Variants in OPRL1 observed in about 807,000 individuals in gnomAD.
OPRL1 encodes opioid related nociceptin receptor 1, also known as nociceptin receptor.
A neutral mutation model predicts 15.5 loss-of-function variants in OPRL1; 5 were observed. The ratio of observed to expected loss-of-function variants is 0.32; its 90% CI spans 0.17 to 0.68. The LOEUF (loss-of-function observed/expected upper bound fraction) is 0.68, where lower values mean the gene tolerates loss of function less well. Ranked by LOEUF, OPRL1 falls within the 30% of genes least tolerant of loss-of-function variation. The pLI is 0.72. For synonymous variants in OPRL1, 223 were observed against 230.2 expected (o/e 0.97, Z 0.28); for missense variants, 406 against 515.3 (o/e 0.79, Z 2.05).
rs933961472 is a variant in OPRL1, at chr20:64,084,827, C to T, written c.-185+4475C>T. 7.9e-5 allele frequency among the ~76,000 whole-genome samples: 12 copies of T among 152,238 alleles called. 1 individual carries two copies. Among genetic ancestry groups the T allele is most frequent in the Non-Finnish European group, 1.3e-4 (9 of 68,036 alleles). On this transcript the variant is annotated intron_variant, in intron 1 of 4. Coordinates refer to ENST00000336866, the MANE Select transcript of OPRL1 (RefSeq NM_182647.4). ...GCTCGCTGTGCCAGAGGCAGAGCCA[C>T]GGCCAGCCCCAGCGGCGGCTAACGC...
chr20:64,098,384 T>A lies in OPRL1; in HGVS notation c.698T>A (p.Val233Asp). 6.2e-7 allele frequency: 1 copy of A among 1,613,822 alleles called. No homozygotes were observed. Among genetic ancestry groups the A allele is most frequent in the Non-Finnish European group, 8.5e-7 (1 of 1,180,014 alleles). ...SFIVPVLVIS[V>D]CYSLMIRRLR... ...ATCGTCCCCGTGCTCGTCATCTCTG[T>A]CTGCTACAGCCTCATGATCCGGCGG... Residue 233 changes from valine to aspartate, a missense_variant, in exon 5 of 5, where the codon GTC becomes GAC. By Grantham distance (152) the Val-to-Asp change is radical (BLOSUM62 -3). Coordinates refer to ENST00000336866, the MANE Select transcript of OPRL1 (RefSeq NM_182647.4).
intron 1 of OPRL1, chr20:64,084,953 T>A (rs2060028310): frequency 6.6e-6 from 1 of 152,230 alleles, no homozygotes; most frequent in South Asian, 2.1e-4. Flanking sequence ...ACCTCCGCCG[T>A]AGCCCAGACT....
At chr20:64,082,818 TGG>T (rs1175954785) in intron 1 of OPRL1, among the ~76,000 whole-genome samples, 2 of 25,258 alleles carry the variant, frequency 7.9e-5, no homozygotes, top group Non-Finnish European at 1.6e-4. Context: ...TGTGTGTGTG[TGG>T]GGGGGTGGGT....
chr20:64,080,849 A>G (rs2059959130), intron 1 of OPRL1, among the ~76,000 whole-genome samples: 1 of 152,182 alleles, frequency 6.6e-6, no homozygotes, highest in Non-Finnish European at 1.5e-5. Context: ...TGTTCATAAA[A>G]TGCCTTCCAG....
rs528918203 is a variant in OPRL1 at position 64,089,749 on chromosome 20, G to A, written c.-184-2217G>A. Among the ~76,000 whole-genome samples the A allele has an allele frequency of 1.3e-5, 2 of 152,294 alleles. No individual in the cohort carries two copies. Among genetic ancestry groups the A allele is most frequent in the South Asian group, 2.1e-4 (1 of 4,828 alleles). On this transcript the variant is annotated intron_variant, in intron 1 of 4. Transcript: ENST00000336866. This position sits in a 1 kb window ranked among gnomAD's most constrained non-coding sequence, Gnocchi z 5.5. ...GGCCTCTGACACTGGTTCCTGGTCC[G>A]GGGACATCAGGTTGGGCTCCTTTGT... is the stretch of plus-strand genomic sequence containing the variant.
At position 64,097,995 on chromosome 20, in the gene OPRL1, G is replaced by A. The variant is rs2145626882; in HGVS notation, c.427G>A (p.Ala143Thr). The A allele has an allele frequency of 6.2e-7, 1 of 1,613,660 alleles. No individual in the cohort carries two copies. The highest frequency in any genetic ancestry group is 8.5e-7 in the Non-Finnish European group (1 of 1,180,022). ...GTTCACCAGCACCTTCACCCTAACT[G>A]CCATGAGTGTGGATCGCTATGTAGC... ...NMFTSTFTLT[A>T]MSVDRYVAIC... Residue 143 changes from alanine to threonine, a missense_variant, in exon 4 of 5, where the codon GCC becomes ACC. Ala to Thr is a moderately conservative substitution (Grantham distance 58). Coordinates refer to ENST00000336866, the MANE Select transcript of OPRL1 (RefSeq NM_182647.4). The surrounding 1 kb of genome is among the most constrained non-coding windows in gnomAD (Gnocchi z 4.2).
At position 64,092,662 on chromosome 20, in the gene OPRL1, C is replaced by G. The variant is rs2060131926; in HGVS notation, c.-33-26C>G. ...GCTGGGCGTGTGTCTGGCACTGCAG[C>G]CACTTGTCTCTGCGCTCTGTCCCAG... On this transcript the variant is annotated intron_variant, in intron 2 of 4. Coordinates refer to ENST00000336866, the MANE Select transcript of OPRL1 (RefSeq NM_182647.4). The G allele has an allele frequency of 3.2e-6, 5 of 1,539,644 alleles. No homozygotes were observed. The South Asian group carries it at 5.9e-5, about 18-fold the overall frequency.
chr20:64,083,798 C>T lies in OPRL1; in HGVS notation c.-185+3446C>T. On this transcript the variant is annotated intron_variant, in intron 1 of 4. Coordinates refer to ENST00000336866, the MANE Select transcript of OPRL1 (RefSeq NM_182647.4). This position sits in a 1 kb window ranked among gnomAD's most constrained non-coding sequence, Gnocchi z 4.9. The stretch of plus-strand genomic sequence containing the variant: ...ACGCTCCCGGTGCGCCCCCTCTGCC[C>T]TCCGACCCCCTCGCCTCACCCGCAT... The T allele has an allele frequency of 1.5e-6, 2 of 1,342,700 alleles. No homozygotes were observed. The highest frequency in any genetic ancestry group is 1.9e-6 in the Non-Finnish European group (2 of 1,053,338). 83.2% of individuals were successfully genotyped at this position (1,342,700 alleles called of 1,614,324 possible).
Position 64,098,874 on chromosome 20 carries a change from C to G in OPRL1, c.*75C>G, listed in dbSNP as rs55884239. The stretch of plus-strand genomic sequence containing the variant: ...CGCCCAACACAGAGCTCACACAGGT[C>G]ACTGCTCTCTAGGCGGACACACCCT... On this transcript the variant is annotated 3_prime_UTR_variant, in exon 5 of 5. Coordinates refer to ENST00000336866, the MANE Select transcript of OPRL1 (RefSeq NM_182647.4). The G allele has an allele frequency of 6.1e-4, 910 of 1,497,880 alleles. 2 individuals are homozygous for G. The highest frequency in any genetic ancestry group is 1.7e-3 in the South Asian group (130 of 76,608). 92.8% of individuals were successfully genotyped at this position (1,497,880 alleles called of 1,614,324 possible).
chr20:64,086,072 C>T (rs1050735641), intron 1 of OPRL1, among the ~76,000 whole-genome samples: 2 of 152,212 alleles, frequency 1.3e-5, no homozygotes, highest in African/African-American at 4.8e-5. Context: ...GCAGCAGTGA[C>T]TGCTTAGGGA....
rs767753910 is a variant in OPRL1, at chr20:64,083,453, G to T, written c.-185+3101G>T. On this transcript the variant is annotated intron_variant, in intron 1 of 4. Coordinates refer to ENST00000336866, the MANE Select transcript of OPRL1 (RefSeq NM_182647.4). The surrounding 1 kb of genome is among the most constrained non-coding windows in gnomAD (Gnocchi z 4.9). ...GTCGCCGTCACCGCGGGAAGATGGT[G>T]CCATCCACGTTCTCCTCCAGGATGG... 1 of 1,609,922 alleles carries T rather than the reference G, an allele frequency of 6.2e-7. No homozygotes were observed. Among genetic ancestry groups the T allele is most frequent in the Non-Finnish European group, 8.5e-7 (1 of 1,178,804 alleles).
chr20:64,092,628 G>A, intron 2 of OPRL1, 60 bp from the exon 3 acceptor site: 1 of 1,369,252 alleles, frequency 7.3e-7, no homozygotes, highest in Non-Finnish European at 1.0e-6. Flanking sequence ...GCTGGGTTGT[G>A]AGGCCTCCGC....
intron 1 of OPRL1, chr20:64,084,289 T>C (rs1464639123): frequency 9.2e-6 from 12 of 1,305,120 alleles, no homozygotes; most frequent in Non-Finnish European, 1.2e-5. Context: ...TGCCCGCCCC[T>C]CGGCAGGGCC....
chr20:64,097,437 G>C lies in OPRL1; in HGVS notation c.234-365G>C, dbSNP rs1405333479. Among the ~76,000 whole-genome samples, 2 of 152,076 alleles carry C rather than the reference G, an allele frequency of 1.3e-5. No homozygotes were observed. Among genetic ancestry groups the C allele is most frequent in the Admixed American group, 1.3e-4 (2 of 15,256 alleles). On this transcript the variant is annotated intron_variant, in intron 3 of 4. Coordinates refer to ENST00000336866, the MANE Select transcript of OPRL1 (RefSeq NM_182647.4). This position sits in a 1 kb window ranked among gnomAD's most constrained non-coding sequence, Gnocchi z 4.2. ...AGGGGACTCAAAAGCAAGGGGAGCA[G>C]ACTCTTTCCCTTAGGGCTCTAAACC...
At chr20:64,088,051 G>T (rs2060068375) in intron 1 of OPRL1, among the ~76,000 whole-genome samples, 1 of 152,262 alleles carries the variant, frequency 6.6e-6, no homozygotes. Flanking sequence ...CCTGTGAGGG[G>T]CCAGGTGCCT....
intron 3 of OPRL1, among the ~76,000 whole-genome samples, chr20:64,096,692 CCAT>C (rs1276651963): frequency 2.0e-5 from 3 of 152,118 alleles, no homozygotes; most frequent in South Asian, 4.2e-4. Context: ...ATCGCCGCCA[CCAT>C]CATCATCACA....
At chr20:64,086,473 G>A (rs2145579535) in intron 1 of OPRL1, 1 of 196,046 alleles carries the variant, frequency 5.1e-6, no homozygotes, top group Middle Eastern at 1.8e-3. Flanking sequence ...GGACCCAGCA[G>A]GCCGACACCT....
rs1164329895 is a variant in OPRL1, at chr20:64,098,863, C to T, written c.*64C>T. 2.0e-6 allele frequency: 3 copies of T among 1,520,674 alleles called. No homozygotes were observed. The highest frequency in any genetic ancestry group is 1.3e-5 in the South Asian group (1 of 79,168). 94.2% of individuals were successfully genotyped at this position (1,520,674 alleles called of 1,614,324 possible). A position where few individuals can be genotyped will look rare whatever the true frequency, so the allele number is the denominator to read the frequency against. On this transcript the variant is annotated 3_prime_UTR_variant, in exon 5 of 5. Coordinates refer to ENST00000336866, the MANE Select transcript of OPRL1 (RefSeq NM_182647.4). The stretch of plus-strand genomic sequence containing the variant: ...GAGCCCATCTACGCCCAACACAGAG[C>T]TCACACAGGTCACTGCTCTCTAGGC...
In OPRL1 at chr20:64,099,373, T is replaced by A. The variant is rs886066674; in HGVS notation, c.*574T>A. On this transcript the variant is annotated 3_prime_UTR_variant, in exon 5 of 5. Transcript: ENST00000336866. ...CTTTTCTTTGGGGTGGGACTTGCCCTGAGCTTGGAGCTGCCACCTGGAGGA... is the reference window on the plus strand; with the variant it reads ...CTTTTCTTTGGGGTGGGACTTGCCCAGAGCTTGGAGCTGCCACCTGGAGGA... 1 of 153,154 alleles carries A rather than the reference T, an allele frequency of 6.5e-6. No individual in the cohort carries two copies. The highest frequency in any genetic ancestry group is 2.4e-5 in the African/African-American group (1 of 41,462). 9.5% of individuals were successfully genotyped at this position (153,154 alleles called of 1,614,324 possible).
Sources: allele counts gnomAD v4.1 joint callset (sites outside exome capture counted in the v4.1 genomes callset), GRCh38; gene constraint gnomAD v4.1.1; non-coding constraint Gnocchi (gnomAD v3.1); transcripts MANE v1.5; gene names NCBI Gene and HGNC (gene_info 2026-07-23, HGNC 2026-07-21).